Variants in ASIC2 observed in about 807,000 individuals in gnomAD.
ASIC2 encodes the protein acid-sensing ion channel 2.
In ASIC2, 25 loss-of-function variants were observed where a neutral mutation model predicts 57.3. The ratio of observed to expected loss-of-function variants is 0.44; its 90% CI spans 0.32 to 0.61. The LOEUF is 0.61. Among genes scored for constraint, ASIC2 ranks in the 20% least tolerant of loss-of-function variants. The pLI is 0.06. For synonymous variants in ASIC2, 319 were observed against 307.5 expected (o/e 1.04, Z -0.39); for missense variants, 641 against 738.1 (o/e 0.87, Z 1.52).
chr17:33,544,785 TG>T (rs1915528371), intron 1 of ASIC2, among the ~76,000 whole-genome samples: 1 of 151,690 alleles, frequency 6.6e-6, no homozygotes, highest in Non-Finnish European at 1.5e-5. Context: ...AAAATACAAA[TG>T]AAAAAAAATA....
At chr17:33,438,253 G>C (rs1158822450) in intron 1 of ASIC2, among the ~76,000 whole-genome samples, 1 of 152,186 alleles carries the variant, frequency 6.6e-6, no homozygotes, top group Admixed American at 6.5e-5. Flanking sequence ...TAGTAGCTTG[G>C]AGGATAAGGT....
intron 1 of ASIC2, among the ~76,000 whole-genome samples, chr17:33,306,899 G>A (rs574026817): frequency 1.3e-5 from 2 of 152,266 alleles, no homozygotes; most frequent in East Asian, 3.9e-4. Context: ...GGGGCAACGA[G>A]GCAGGCTTGG....
intron 1 of ASIC2, among the ~76,000 whole-genome samples, chr17:33,361,610 G>A (rs1177804337): frequency 6.6e-6 from 1 of 152,138 alleles, no homozygotes; most frequent in Admixed American, 6.5e-5. Flanking sequence ...TAAGCTTTAT[G>A]ATAACAGTCA....
At chr17:33,221,209 G>A (rs886127999) in intron 1 of ASIC2, among the ~76,000 whole-genome samples, 1 of 152,202 alleles carries the variant, frequency 6.6e-6, no homozygotes, top group African/African-American at 2.4e-5. Context: ...TCTGGGCCAA[G>A]TCACTTTCCC....
chr17:33,044,042 T>C (rs1375180823), intron 3 of ASIC2, among the ~76,000 whole-genome samples: 2 of 151,958 alleles, frequency 1.3e-5, no homozygotes, highest in Non-Finnish European at 2.9e-5. Context: ...AAATGTGAAT[T>C]GGTTATGCAA....
chr17:33,160,911 A>C (rs202093693), intron 1 of ASIC2, among the ~76,000 whole-genome samples: 1 of 152,232 alleles, frequency 6.6e-6, no homozygotes, highest in East Asian at 1.9e-4. Context: ...ACTGGGGCAA[A>C]GACAGAAAAC....
Position 34,156,457 on chromosome 17 carries a change from G to A in ASIC2, c.76C>T (p.Leu26Phe). The A allele has an allele frequency of 1.2e-6, 2 of 1,614,104 alleles. No individual in the cohort carries two copies. Among genetic ancestry groups the A allele is most frequent in the Non-Finnish European group, 1.7e-6 (2 of 1,179,960 alleles). Residue 26 changes from leucine to phenylalanine, a missense_variant, in exon 1 of 10, where the codon CTC becomes TTC. By Grantham distance (22) the Leu-to-Phe change is conservative. Transcript: ENST00000359872. The surrounding 1 kb of genome is among the most constrained non-coding windows in gnomAD (Gnocchi z 4.4). The stretch of plus-strand genomic sequence containing the variant: ...ACGAAGATGTGGCGGATGCCATGGA[G>A]GGTGGAGGTGTTGGCAAAGATCTGG...
At chr17:33,253,141 G>A (rs1016288070) in intron 1 of ASIC2, among the ~76,000 whole-genome samples, 1 of 152,198 alleles carries the variant, frequency 6.6e-6, no homozygotes, top group African/African-American at 2.4e-5. Flanking sequence ...CCACTTTGTA[G>A]ATGAAGAAAC....
chr17:33,583,995 A>G (rs773802353), intron 1 of ASIC2, among the ~76,000 whole-genome samples: 1 of 152,214 alleles, frequency 6.6e-6, no homozygotes, highest in Non-Finnish European at 1.5e-5. Flanking sequence ...TATCTCAGCC[A>G]GAGCTACAGG....
intron 1 of ASIC2, among the ~76,000 whole-genome samples, chr17:33,969,229 T>C (rs1905155707): frequency 1.3e-5 from 2 of 152,330 alleles, no homozygotes; most frequent in South Asian, 4.1e-4. Flanking sequence ...TTTGAAGAAG[T>C]GTATGTTTAT....
chr17:33,676,361 T>C (rs1370464937), intron 1 of ASIC2, among the ~76,000 whole-genome samples: 3 of 152,248 alleles, frequency 2.0e-5, no homozygotes, highest in Admixed American at 6.5e-5. Context: ...TGTAGAAAGC[T>C]GAGACTGGCC....
chr17:33,795,555 C>A (rs2142139998), intron 1 of ASIC2, among the ~76,000 whole-genome samples: 1 of 152,340 alleles, frequency 6.6e-6, no homozygotes, highest in Middle Eastern at 3.4e-3. Flanking sequence ...CCTCCAGTGT[C>A]AACCTTCCCC....
chr17:33,346,519 T>A (rs1001555720), intron 1 of ASIC2, among the ~76,000 whole-genome samples: 5 of 152,162 alleles, frequency 3.3e-5, no homozygotes, highest in African/African-American at 9.7e-5. Context: ...CACCTGTGTA[T>A]GTGTGTGCAC....
intron 1 of ASIC2, among the ~76,000 whole-genome samples, chr17:33,456,946 C>T (rs937754658): frequency 6.6e-6 from 1 of 152,160 alleles, no homozygotes; most frequent in Non-Finnish European, 1.5e-5. Flanking sequence ...TTGCTTAGCT[C>T]AGAGCCAGAT....
chr17:34,088,113 G>A (rs540938446), intron 1 of ASIC2, among the ~76,000 whole-genome samples: 29 of 152,308 alleles, frequency 1.9e-4, no homozygotes, highest in African/African-American at 4.6e-4. Context: ...GAGGAGAGGC[G>A]CTCTGATTTT....
chr17:33,942,806 C>G (rs1257813342), intron 1 of ASIC2, among the ~76,000 whole-genome samples: 1 of 152,148 alleles, frequency 6.6e-6, no homozygotes, highest in Non-Finnish European at 1.5e-5. Context: ...GGCCAGCTAC[C>G]ATCCCAGTTT....
chr17:33,272,148 A>C lies in ASIC2; in HGVS notation c.708+19260T>G, dbSNP rs115674492. 1.4e-3 allele frequency among the ~76,000 whole-genome samples: 216 copies of C among 152,340 alleles called. 2 individuals are homozygous for C. Among genetic ancestry groups the C allele is most frequent in the African/African-American group, 4.9e-3 (205 of 41,598 alleles). On this transcript the variant is annotated intron_variant, in intron 1 of 9. Coordinates refer to ENST00000225823, the MANE Select transcript of ASIC2 (RefSeq NM_183377.2). ...TGTTCATGCAGGGCTTCCTGACTACATGAGCTAATGAGCTAAAGCATCTTA... is the reference window on the plus strand; with the variant it reads ...TGTTCATGCAGGGCTTCCTGACTACCTGAGCTAATGAGCTAAAGCATCTTA...
intron 3 of ASIC2, among the ~76,000 whole-genome samples, chr17:33,044,724 G>T (rs1433694993): frequency 6.6e-6 from 1 of 152,178 alleles, no homozygotes; most frequent in Non-Finnish European, 1.5e-5. Flanking sequence ...AGGCTATGAA[G>T]ATGAATAAGA....
intron 1 of ASIC2, among the ~76,000 whole-genome samples, chr17:33,282,201 C>A (rs1904978368): frequency 6.6e-6 from 1 of 152,168 alleles, no homozygotes; most frequent in Non-Finnish European, 1.5e-5. Flanking sequence ...ATTACACAAA[C>A]CTTACCGGCT....
Sources: gnomAD v4.1 joint callset for allele counts (sites outside exome capture counted in the v4.1 genomes callset) on GRCh38, gnomAD v4.1.1 for gene constraint, Gnocchi (gnomAD v3.1) non-coding constraint, MANE v1.5 for transcripts, NCBI Gene and HGNC (gene_info 2026-07-23, HGNC 2026-07-21) for gene names.